The following CCM2L variants were observed in gnomAD, a reference collection of about 807,000 sequenced individuals.
The protein encoded by CCM2L is CCM2 like scaffold protein.
In CCM2L, 36 loss-of-function variants were observed where a neutral mutation model predicts 54.1. The observed-to-expected ratio is 0.67, with a 90% CI of 0.51 to 0.88. The LOEUF is 0.88. CCM2L is among the 40% of genes least tolerant of loss of function. The pLI, the probability that CCM2L is intolerant of heterozygous loss-of-function variation, is 0.00. For missense variants in CCM2L, 700 were observed against 812.1 expected, an observed-to-expected ratio of 0.86 and a Z score of 1.68; for synonymous variants, 351 against 359.3, an observed-to-expected ratio of 0.98 and a Z score of 0.26.
chr20:32,026,255 C>G (rs1436582397), intron 7 of CCM2L, among the ~76,000 whole-genome samples: 2 of 152,158 alleles, frequency 1.3e-5, no homozygotes. Context: ...AGAAAATCCC[C>G]AAAAAGAGTA....
intron 1 of CCM2L, among the ~76,000 whole-genome samples, chr20:32,012,992 TAA>T (rs566757782): frequency 3.3e-5 from 5 of 152,044 alleles, no homozygotes; most frequent in Non-Finnish European, 5.9e-5. Context: ...TAAGAAGGCT[TAA>T]AAAAATCTTA....
chr20:32,023,838 C>T (rs2064829839), intron 6 of CCM2L, among the ~76,000 whole-genome samples: 2 of 152,214 alleles, frequency 1.3e-5, no homozygotes, highest in African/African-American at 2.4e-5. Context: ...TCAAGTGATT[C>T]TCCTGCTTCA....
chr20:32,010,636 G>T (rs1473745350), intron 1 of CCM2L, 152 bp downstream of exon 1: 23 of 750,132 alleles, frequency 3.1e-5, no homozygotes, highest in Non-Finnish European at 5.2e-5. Context: ...CTCTTGGACA[G>T]CCAGACAGTC....
At chr20:32,030,975 G>A in intron 9 of CCM2L, 26 bp from the exon 10 acceptor site, 2 of 1,303,164 alleles carry the variant, frequency 1.5e-6, no homozygotes, top group Non-Finnish European at 1.0e-6. Context: ...GTGTCCTGGG[G>A]ACTCACCATG....
At chr20:32,029,272 G>C in intron 8 of CCM2L, 148 bp downstream of exon 8, 1 of 1,129,254 alleles carries the variant, frequency 8.9e-7, no homozygotes, top group Non-Finnish European at 1.3e-6. Context: ...AGTAAACTGA[G>C]GCCAGCTTGT....
intron 6 of CCM2L, 83 bp from the exon 7 acceptor site, chr20:32,025,773 G>A (rs1280783991): frequency 1.9e-5 from 19 of 1,007,958 alleles, no homozygotes; most frequent in Non-Finnish European, 2.2e-5. Context: ...TTCAGGCTGA[G>A]ACTGAGGGTG....
At chr20:32,025,813 C>T in intron 6 of CCM2L, 43 bp from the exon 7 acceptor site, 1 of 1,289,142 alleles carries the variant, frequency 7.8e-7, no homozygotes, top group Non-Finnish European at 1.0e-6. Flanking sequence ...ATGCTGATCC[C>T]TGCTTTGCTG....
At position 32,025,053 on chromosome 20, in the gene CCM2L, CTTCTTCT is replaced by C. The variant is rs1156777774; in HGVS notation, c.1070-797_1070-791del. ...CCTTCACAAGTTTCTTCCTCTCTTT[CTTCTTCT>C]TTCTTTCTTTCTTTCTTTCTTTCTC... On this transcript the variant is annotated intron_variant, in intron 6 of 9. Coordinates refer to ENST00000452892, the MANE Select transcript of CCM2L (RefSeq NM_001365692.1). Among the ~76,000 whole-genome samples, 42 of 148,816 alleles carry C rather than the reference CTTCTTCT, an allele frequency of 2.8e-4. 1 individual carries two copies. The highest frequency in any genetic ancestry group is 4.4e-4 in the Non-Finnish European group (30 of 67,524).
chr20:32,027,041 T>C (rs965258944), intron 7 of CCM2L, among the ~76,000 whole-genome samples: 8 of 152,070 alleles, frequency 5.3e-5, no homozygotes, highest in Admixed American at 1.3e-4. Context: ...AATAAACAAA[T>C]AAATAAATAA....
At position 32,019,343 on chromosome 20, in the gene CCM2L, G is replaced by T. The variant is rs1313357864; in HGVS notation, c.867G>T (p.Pro289=). The T allele has an allele frequency of 8.2e-6, 12 of 1,468,530 alleles. No homozygotes were observed. Among genetic ancestry groups the T allele is most frequent in the Non-Finnish European group, 1.1e-5 (12 of 1,113,610 alleles). 91.0% of individuals were successfully genotyped at this position (1,468,530 alleles called of 1,614,324 possible). ...AGCGGCGCCACCCCGGCCCCAACCC[G>T]CTCGACCCGCAGGACCCCAGCCCCG... ...SWERRHPGPN[P]LDPQDPSPDA... is the part of the protein sequence containing the mutation. The change falls in exon 5 of 10, where the codon CCG becomes CCT. Residue 289 remains proline, a synonymous_variant. Coordinates refer to ENST00000452892, the MANE Select transcript of CCM2L (RefSeq NM_001365692.1).
At chr20:32,013,172 A>C (rs1045625670) in intron 1 of CCM2L, among the ~76,000 whole-genome samples, 3 of 152,130 alleles carry the variant, frequency 2.0e-5, no homozygotes, top group Non-Finnish European at 2.9e-5. Flanking sequence ...GGTAGCACAC[A>C]CCTGTAGTCC....
intron 8 of CCM2L, 52 bp from the exon 9 acceptor site, chr20:32,029,648 G>T (rs775422273): frequency 2.6e-6 from 4 of 1,555,414 alleles, no homozygotes; most frequent in Non-Finnish European, 3.5e-6. Flanking sequence ...TCAGGCAGGG[G>T]TTGGGTGGCG....
intron 1 of CCM2L, among the ~76,000 whole-genome samples, chr20:32,014,268 T>A (rs2064719478): frequency 6.8e-6 from 1 of 147,082 alleles, no homozygotes; most frequent in Non-Finnish European, 1.5e-5. Flanking sequence ...TATATTTTTT[T>A]TTTTTTTTTG....
chr20:32,010,737 C>T (rs1342721817), intron 1 of CCM2L, among the ~76,000 whole-genome samples: 18 of 152,162 alleles, frequency 1.2e-4, no homozygotes, highest in Admixed American at 3.9e-4. Context: ...CCTGGCCAGA[C>T]GGACTCAGTT....
In CCM2L at chr20:32,019,398, G is replaced by C. The variant is rs868770226; in HGVS notation, c.922G>C (p.Val308Leu). The C allele has an allele frequency of 6.5e-7, 1 of 1,529,008 alleles. No homozygotes were observed. Among genetic ancestry groups the C allele is most frequent in the Non-Finnish European group, 8.7e-7 (1 of 1,146,510 alleles). 94.7% of individuals were successfully genotyped at this position (1,529,008 alleles called of 1,614,324 possible). A position where few individuals can be genotyped will look rare whatever the true frequency, so the allele number is the denominator to read the frequency against. ...CTACTGCAACCTGGTCATCCTGGCT[G>C]TAGCCAACAGGGTGAGCCCGAGGGC... is the stretch of plus-strand genomic sequence containing the variant. ...DAYCNLVILAVANRDAAEESC... is the reference protein window; with the variant it reads ...DAYCNLVILALANRDAAEESC... Residue 308 changes from valine to leucine, a missense_variant, in exon 5 of 10, where the codon GTA becomes CTA. Coordinates refer to ENST00000452892, the MANE Select transcript of CCM2L (RefSeq NM_001365692.1).
intron 6 of CCM2L, among the ~76,000 whole-genome samples, chr20:32,025,560 T>A (rs1203940997): frequency 6.6e-6 from 1 of 151,954 alleles, no homozygotes; most frequent in Non-Finnish European, 1.5e-5. Flanking sequence ...AGCCACAAAT[T>A]TTTTTTTCTT....
At chr20:32,010,620 T>C in intron 1 of CCM2L, 136 bp downstream of exon 1, 1 of 813,790 alleles carries the variant, frequency 1.2e-6, no homozygotes, top group Non-Finnish European at 2.0e-6. Flanking sequence ...AGTAACTTCC[T>C]TCCCACTCTT....
chr20:32,018,876 C>A, intron 4 of CCM2L, 67 bp from the exon 5 acceptor site: 1 of 1,239,988 alleles, frequency 8.1e-7, no homozygotes, highest in Non-Finnish European at 1.0e-6. Flanking sequence ...GGCCAGCCGG[C>A]CTCGGCGGGG....
intron 6 of CCM2L, 114 bp from the exon 7 acceptor site, chr20:32,025,742 G>T: frequency 1.6e-6 from 1 of 624,738 alleles, no homozygotes. Flanking sequence ...TTGTGTGTTG[G>T]TGTCAGAGGC....
Sources: allele counts gnomAD v4.1 joint callset (sites outside exome capture counted in the v4.1 genomes callset), GRCh38; gene constraint gnomAD v4.1.1; transcripts MANE v1.5; gene names NCBI Gene and HGNC (gene_info 2026-07-23, HGNC 2026-07-21).